The following HDDC2 variants were observed in gnomAD, a reference collection of about 807,000 sequenced individuals.
The protein encoded by HDDC2 is 5'-deoxynucleotidase HDDC2.
HDDC2 carries 25 observed loss-of-function variants against 25.5 expected under a neutral mutation model. That is an observed-to-expected ratio of 0.98 (90% CI 0.72 to 1.37). HDDC2 has a LOEUF of 1.37. HDDC2 is among the 40% of genes most tolerant of loss of function. The pLI, the probability that HDDC2 is intolerant of heterozygous loss-of-function variation, is 0.00. For synonymous variants in HDDC2, 106 were observed against 89.7 expected (o/e 1.18, Z -1.03); for missense variants, 264 against 253.1 (o/e 1.04, Z -0.29).
chr6:125,277,435 G>C (rs73581639), intron 4 of HDDC2, 195 bp from the exon 5 acceptor site: 18,743 of 520,840 alleles, frequency 0.036, 1,332 homozygotes, highest in African/African-American at 0.21. Flanking sequence ...CTCTATACAA[G>C]AAAGATGTGC....
chr6:125,283,774 A>T (rs1159431213), intron 4 of HDDC2, among the ~76,000 whole-genome samples: 3 of 152,178 alleles, frequency 2.0e-5, no homozygotes, highest in Non-Finnish European at 4.4e-5. Flanking sequence ...TATTCCTATT[A>T]AGCTACCACT....
intron 3 of HDDC2, chr6:125,297,471 G>A (rs954104786): frequency 2.5e-6 from 1 of 398,166 alleles, no homozygotes; most frequent in African/African-American, 2.1e-5. Flanking sequence ...CGTTCCTTGT[G>A]GCTCTTCTTA....
chr6:125,282,963 A>C (rs1798480350), intron 4 of HDDC2, among the ~76,000 whole-genome samples: 1 of 152,214 alleles, frequency 6.6e-6, no homozygotes, highest in African/African-American at 2.4e-5. Context: ...AGAAGAGCTA[A>C]CTATCCTAAA....
chr6:125,292,390 C>A (rs1798645267), intron 4 of HDDC2, among the ~76,000 whole-genome samples: 1 of 152,082 alleles, frequency 6.6e-6, no homozygotes, highest in South Asian at 2.1e-4. Flanking sequence ...CCATGCCAGG[C>A]ATCTCTGTGG....
intron 2 of HDDC2, among the ~76,000 whole-genome samples, chr6:125,299,714 T>C (rs1255322109): frequency 6.6e-6 from 1 of 152,194 alleles, no homozygotes; most frequent in Non-Finnish European, 1.5e-5. Flanking sequence ...CCTCCTCAGT[T>C]CCACTTCATC....
chr6:125,288,399 T>C (rs1798576388), intron 4 of HDDC2, among the ~76,000 whole-genome samples: 1 of 152,154 alleles, frequency 6.6e-6, no homozygotes, highest in Admixed American at 6.5e-5. Flanking sequence ...ACAGAGTCTC[T>C]GAATCAGTGT....
Position 125,289,857 on chromosome 6 carries a change from C to T in HDDC2, c.378+2984G>A, listed in dbSNP as rs565565109. Reference sequence around the variant, plus strand: ...TCACATGCAGGAGAGGCTCCCCTCACGCCTTGGGGCTCAAAAGGACATTTC... The same window carrying T: ...TCACATGCAGGAGAGGCTCCCCTCATGCCTTGGGGCTCAAAAGGACATTTC... On this transcript the variant is annotated intron_variant, in intron 4 of 5. Transcript: ENST00000398153. Among the ~76,000 whole-genome samples, 8 of 152,350 alleles carry T rather than the reference C, an allele frequency of 5.3e-5. No homozygotes were observed. The South Asian group carries it at 8.3e-4, about 16-fold the overall frequency.
At chr6:125,281,440 C>T (rs1798455908) in intron 4 of HDDC2, among the ~76,000 whole-genome samples, 1 of 152,078 alleles carries the variant, frequency 6.6e-6, no homozygotes, top group South Asian at 2.1e-4. Flanking sequence ...TAACCCAATG[C>T]AAGGAAGCTA....
At chr6:125,289,343 AG>A (rs71541264) in intron 4 of HDDC2, among the ~76,000 whole-genome samples, 2 of 69,682 alleles carry the variant, frequency 2.9e-5, no homozygotes, top group African/African-American at 1.2e-4. Flanking sequence ...GGGTCGGGGG[AG>A]GGGGGAGGGA....
At chr6:125,293,891 G>A (rs773445723) in intron 3 of HDDC2, among the ~76,000 whole-genome samples, 12 of 152,206 alleles carry the variant, frequency 7.9e-5, no homozygotes, top group African/African-American at 2.4e-5. Context: ...AAGGAGAAGC[G>A]TTGAGAGTTA....
At chr6:125,277,476 T>C (rs996913035) in intron 4 of HDDC2, 5 of 430,840 alleles carry the variant, frequency 1.2e-5, no homozygotes, top group Non-Finnish European at 2.0e-5. Context: ...CCAGAAGCCA[T>C]GGAAATCTTG....
At chr6:125,300,928 G>T (rs1459375101) in intron 1 of HDDC2, among the ~76,000 whole-genome samples, 1 of 152,090 alleles carries the variant, frequency 6.6e-6, no homozygotes, top group Non-Finnish European at 1.5e-5. Context: ...TATAATTATG[G>T]AACATATGCA....
intron 4 of HDDC2, among the ~76,000 whole-genome samples, chr6:125,289,495 T>A (rs866375460): frequency 3.9e-4 from 38 of 96,746 alleles, no homozygotes; most frequent in African/African-American, 8.9e-4. Context: ...AAAAAAAAAA[T>A]TAAAAAAAAC....
At chr6:125,300,281 A>C (rs1798774779) in intron 2 of HDDC2, 1 of 431,748 alleles carries the variant, frequency 2.3e-6, no homozygotes, top group Admixed American at 4.0e-5. Flanking sequence ...ACTCACCTTC[A>C]AGGCCCCAAT....
chr6:125,288,227 T>C (rs1798572025), intron 4 of HDDC2, among the ~76,000 whole-genome samples: 2 of 151,898 alleles, frequency 1.3e-5, no homozygotes, highest in Admixed American at 6.6e-5. Flanking sequence ...AGTGACAAGA[T>C]AGATGCTTGA....
At chr6:125,301,403 TTC>T in intron 1 of HDDC2, among the ~76,000 whole-genome samples, 1 of 150,566 alleles carries the variant, frequency 6.6e-6, no homozygotes, top group East Asian at 2.0e-4. Context: ...AGCCGACAGA[TTC>T]TGTTCTTCCC....
In HDDC2 at chr6:125,277,107, G is replaced by A. The variant is rs749295350; in HGVS notation, c.512C>T (p.Thr171Ile). The A allele has an allele frequency of 1.3e-5, 21 of 1,613,932 alleles. No homozygotes were observed. The African/African-American group carries it at 2.7e-4, about 21-fold the overall frequency. ...PGRLQDFYDS[T>I]AGKFNHPEIV... is the part of the protein sequence containing the mutation. ...TTGAAAATGGTGTTGAGTACCTGCT[G>A]TGGAATCATAGAAGTCTTGCAGTCT... Residue 171 changes from threonine (T) to isoleucine (I), a missense_variant, in exon 5 of 6, where the codon ACA becomes ATA. Transcript: ENST00000398153.
chr6:125,275,702 G>C lies in HDDC2; in HGVS notation c.*444C>G, dbSNP rs1798357268. 6.3e-6 allele frequency: 1 copy of C among 159,540 alleles called. No individual in the cohort carries two copies. The highest frequency in any genetic ancestry group is 1.4e-5 in the Non-Finnish European group (1 of 73,078). 9.9% of individuals were successfully genotyped at this position (159,540 alleles called of 1,614,324 possible). A position where few individuals can be genotyped will look rare whatever the true frequency, so the allele number is the denominator to read the frequency against. On this transcript the variant is annotated 3_prime_UTR_variant, in exon 6 of 6. Transcript: ENST00000398153. ...GAATAAGGCAGCAATTTCATCTGGG[G>C]AGAGAATACATCACTAGTACATTTT...
At position 125,277,165 on chromosome 6, in the gene HDDC2, A is replaced by G. The variant is rs1391090194; in HGVS notation, c.454T>C (p.Ser152Pro). ...TTGTGTTCAAGGTCTTCATATTCAG[A>G]TGCTTGAAGAATCATTTCACATTGG... is the stretch of plus-strand genomic sequence containing the variant. Reference protein sequence around the residue: ...LDQCEMILQASEYEDLEHKPG... With the variant: ...LDQCEMILQAPEYEDLEHKPG... Residue 152 changes from serine (S) to proline (P), a missense_variant, in exon 5 of 6, where the codon TCT (serine) becomes CCT (proline). By Grantham distance (74) the Ser-to-Pro change is moderately conservative. Transcript: ENST00000398153. 6.2e-7 allele frequency: 1 copy of G among 1,614,030 alleles called. No individual in the cohort carries two copies. The highest frequency in any genetic ancestry group is 1.3e-5 in the African/African-American group (1 of 75,048).
Sources: allele counts gnomAD v4.1 joint callset (sites outside exome capture counted in the v4.1 genomes callset), GRCh38; gene constraint gnomAD v4.1.1; transcripts MANE v1.5; gene names NCBI Gene and HGNC (gene_info 2026-07-23, HGNC 2026-07-21).